DNAJC7: variants seen among roughly 807,000 people sequenced by gnomAD.
DNAJC7 encodes the protein dnaJ homolog subfamily C member 7.
DNAJC7 carries 18 observed loss-of-function variants against 67.4 expected under a neutral mutation model. The ratio of observed to expected loss-of-function variants is 0.27; its 90% CI spans 0.18 to 0.40. DNAJC7 has a LOEUF of 0.40. DNAJC7 is among the 10% of genes least tolerant of loss of function. DNAJC7 has a pLI of 1.00. For synonymous variants in DNAJC7, 220 were observed against 207.8 expected, an observed-to-expected ratio of 1.06 and a Z score of -0.50; for missense variants, 419 against 613.8, an observed-to-expected ratio of 0.68 and a Z score of 3.35.
intron 1 of DNAJC7, among the ~76,000 whole-genome samples, chr17:42,005,817 T>G (rs1269883787): frequency 3.3e-5 from 5 of 152,168 alleles, no homozygotes; most frequent in African/African-American, 1.2e-4. Flanking sequence ...CTTGGCTCAC[T>G]GCAATCCCCA....
At chr17:41,987,748 G>C in intron 9 of DNAJC7, 71 bp downstream of exon 9, 1 of 1,349,258 alleles carries the variant, frequency 7.4e-7, no homozygotes, top group East Asian at 2.5e-5. Context: ...GGTCTGCTTC[G>C]TCATCCACAA....
chr17:41,981,340 GCGCC>G (rs1461775426), intron 12 of DNAJC7, among the ~76,000 whole-genome samples: 2 of 152,114 alleles, frequency 1.3e-5, no homozygotes, highest in African/African-American at 4.8e-5. Context: ...GGGATTACAG[GCGCC>G]CACCACCACA....
intron 1 of DNAJC7, chr17:42,014,388 A>C (rs2052206359): frequency 6.6e-6 from 1 of 151,792 alleles, no homozygotes; most frequent in African/African-American, 2.4e-5. Context: ...GGCTGGTCTC[A>C]AACTCCTGAC....
At chr17:42,010,767 A>G (rs990413890) in intron 1 of DNAJC7, among the ~76,000 whole-genome samples, 1 of 152,172 alleles carries the variant, frequency 6.6e-6, no homozygotes, top group East Asian at 1.9e-4. Flanking sequence ...GAGATGGTTA[A>G]CACTGCTTAT....
At chr17:41,982,230 A>T in intron 11 of DNAJC7, 25 bp downstream of exon 11, 1 of 1,613,478 alleles carries the variant, frequency 6.2e-7, no homozygotes, top group Non-Finnish European at 8.5e-7. Flanking sequence ...CTTCCCACTG[A>T]GCCCACTCCC....
chr17:41,981,730 T>C (rs1190994353), intron 12 of DNAJC7, 125 bp downstream of exon 12: 1 of 1,332,310 alleles, frequency 7.5e-7, no homozygotes, highest in Admixed American at 2.2e-5. Context: ...TGACTCCATG[T>C]CTATTACTGT....
chr17:41,978,833 T>G (rs1555645386), intron 12 of DNAJC7, among the ~76,000 whole-genome samples: 1 of 151,876 alleles, frequency 6.6e-6, no homozygotes, highest in African/African-American at 2.4e-5. Context: ...TGAGCAGAGA[T>G]CGCGCCACTG....
chr17:41,977,899 T>G (rs2051135044), intron 12 of DNAJC7, among the ~76,000 whole-genome samples: 1 of 151,994 alleles, frequency 6.6e-6, no homozygotes, highest in South Asian at 2.1e-4. Flanking sequence ...AAGGCTGCAG[T>G]AAGCTATGAT....
At chr17:41,995,349 C>T (rs2051627607) in intron 4 of DNAJC7, among the ~76,000 whole-genome samples, 1 of 152,168 alleles carries the variant, frequency 6.6e-6, no homozygotes, top group Non-Finnish European at 1.5e-5. Flanking sequence ...AAGTGTTATG[C>T]TTGATATACA....
chr17:42,017,149 A>C, intron 1 of DNAJC7, 191 bp downstream of exon 1: 1 of 1,484,586 alleles, frequency 6.7e-7, no homozygotes, highest in East Asian at 2.5e-5. Flanking sequence ...GCCAGGCGGA[A>C]GCGGGAGAGG....
chr17:41,990,887 G>C (rs1343275713), intron 5 of DNAJC7, among the ~76,000 whole-genome samples: 1 of 151,932 alleles, frequency 6.6e-6, no homozygotes, highest in Non-Finnish European at 1.5e-5. Flanking sequence ...AGCCATGATG[G>C]TCTTGATCCT....
At chr17:42,015,650 G>T (rs555043079) in intron 1 of DNAJC7, 1 of 151,378 alleles carries the variant, frequency 6.6e-6, no homozygotes, top group Non-Finnish European at 1.5e-5. Context: ...CGAGACCATC[G>T]TGGCTAACAG....
intron 1 of DNAJC7, among the ~76,000 whole-genome samples, chr17:42,009,397 C>T (rs888788774): frequency 2.0e-5 from 3 of 152,188 alleles, no homozygotes; most frequent in Non-Finnish European, 2.9e-5. Context: ...CAGGCAGGGA[C>T]GGACACCAGC....
At chr17:42,012,311 C>T (rs1435810323) in intron 1 of DNAJC7, among the ~76,000 whole-genome samples, 3 of 152,142 alleles carry the variant, frequency 2.0e-5, no homozygotes, top group Non-Finnish European at 4.4e-5. Context: ...GGTAAAACTC[C>T]GTCTCTATTA....
At chr17:41,993,886 A>AC (rs2051578861) in intron 5 of DNAJC7, among the ~76,000 whole-genome samples, 1 of 150,814 alleles carries the variant, frequency 6.6e-6, no homozygotes, top group South Asian at 2.1e-4. Context: ...AAAAAAAAAA[A>AC]AACAAAATTA....
Position 41,992,417 on chromosome 17 carries a change from G to A in DNAJC7, c.481-2035C>T, listed in dbSNP as rs143033206. ...TCTAACTCCCGACCTCAGGTGATCC[G>A]CCCACCTCGGCCTCCCAAAGTGCTG... On this transcript the variant is annotated intron_variant, in intron 5 of 13. Coordinates refer to ENST00000457167, the MANE Select transcript of DNAJC7 (RefSeq NM_003315.4). Among the ~76,000 whole-genome samples the A allele has an allele frequency of 9.7e-3, 1,462 of 150,618 alleles. 33 individuals are homozygous for A. The highest frequency in any genetic ancestry group is 0.034 in the African/African-American group (1,395 of 41,018).
chr17:42,011,495 A>C (rs1457945579), intron 1 of DNAJC7: 8 of 152,220 alleles, frequency 5.3e-5, no homozygotes, highest in Non-Finnish European at 1.2e-4. Flanking sequence ...TGCTCCAGTT[A>C]TGATTATCTA....
At chr17:41,982,585 G>A (rs1293476123) in intron 10 of DNAJC7, among the ~76,000 whole-genome samples, 184 bp from the exon 11 acceptor site, 1 of 152,002 alleles carries the variant, frequency 6.6e-6, no homozygotes, top group East Asian at 1.9e-4. Flanking sequence ...GCCTGTAATC[G>A]CAGCACTTTG....
At chr17:41,979,468 T>C (rs2051185469) in intron 12 of DNAJC7, among the ~76,000 whole-genome samples, 1 of 148,228 alleles carries the variant, frequency 6.7e-6, no homozygotes, top group Non-Finnish European at 1.5e-5. Context: ...GGTCAGGAGT[T>C]CAAGACCAGC....
Sources: gnomAD v4.1 joint callset for allele counts (sites outside exome capture counted in the v4.1 genomes callset) on GRCh38, gnomAD v4.1.1 for gene constraint, MANE v1.5 for transcripts, NCBI Gene and HGNC (gene_info 2026-07-23, HGNC 2026-07-21) for gene names.